The following TRIP12 variants were observed in gnomAD, a reference collection of about 807,000 sequenced individuals.
The protein encoded by TRIP12 is thyroid hormone receptor interactor 12, also known as E3 ubiquitin-protein ligase TRIP12.
TRIP12 carries 25 observed loss-of-function variants against 244.2 expected under a neutral mutation model. The observed-to-expected ratio is 0.10, with a 90% CI of 0.07 to 0.14. The LOEUF is 0.14. TRIP12 is among the 10% of genes least tolerant of loss of function. TRIP12 has a pLI of 1.00. For synonymous variants in TRIP12, 905 were observed against 873.1 expected (o/e 1.04, Z -0.64); for missense variants, 1,677 against 2,486.4 (o/e 0.67, Z 6.92).
chr2:229,838,606 T>C (rs1378683478), intron 5 of TRIP12, among the ~76,000 whole-genome samples: 1 of 152,190 alleles, frequency 6.6e-6, no homozygotes, highest in African/African-American at 2.4e-5. Context: ...CTAGATTACC[T>C]GACTTCGCAT....
At chr2:229,886,763 G>A (rs1041010659) in intron 1 of TRIP12, among the ~76,000 whole-genome samples, 6 of 152,024 alleles carry the variant, frequency 3.9e-5, no homozygotes, top group Non-Finnish European at 7.4e-5. Context: ...CACTGTGCCC[G>A]GCCAAACTAG....
chr2:229,908,470 C>T (rs1385976524), intron 1 of TRIP12, among the ~76,000 whole-genome samples: 7 of 152,162 alleles, frequency 4.6e-5, no homozygotes, highest in Non-Finnish European at 1.0e-4. Flanking sequence ...TTAGGCCGGG[C>T]GCGGTGGCTC....
upstream of TRIP12, among the ~76,000 whole-genome samples, chr2:229,922,775 G>A (rs1020993043): frequency 2.0e-5 from 3 of 152,164 alleles, no homozygotes; most frequent in African/African-American, 7.2e-5. Flanking sequence ...TCCTCGGTCC[G>A]ACGGCCCGCG....
rs143865610 is a variant in TRIP12, at chr2:229,769,277, T to A, written c.5857A>T (p.Thr1953Ser). The A allele has an allele frequency of 5.0e-6, 8 of 1,613,948 alleles. No homozygotes were observed. The African/African-American group carries it at 1.1e-4, about 22-fold the overall frequency. ...GSKADTWDAKTLMECCRPDHG... is the reference protein window; with the variant it reads ...GSKADTWDAKSLMECCRPDHG... ...TCAGGCCTACAGCATTCCATCAGTG[T>A]CTTTGCATCCCAAGTGTCTGCTTTA... Residue 1953 changes from threonine to serine, a missense_variant, in exon 40 of 42, where the codon ACA (threonine) becomes TCA (serine). By Grantham distance (58) the Thr-to-Ser change is moderately conservative (BLOSUM62 1). This residue lies in a region of TRIP12 where 171 missense variants were observed against 388.4 expected (regional missense o/e 0.44). Transcript: ENST00000675903.
rs1259680669 is a variant in TRIP12, at chr2:229,765,109, GTTCT to G, written c.*2441_*2444del. 6.6e-6 allele frequency: 1 copy of G among 152,080 alleles called. No homozygotes were observed. The highest frequency in any genetic ancestry group is 1.5e-5 in the Non-Finnish European group (1 of 68,016). The allele number at this position is 152,080 out of a possible 1,614,324, so 9.4% of individuals were successfully genotyped here. On this transcript the variant is annotated 3_prime_UTR_variant, in exon 42 of 42. Coordinates refer to ENST00000675903, the MANE Select transcript of TRIP12 (RefSeq NM_001348323.3). ...TCCTTCTTGGAATAGTTAAAAATAC[GTTCT>G]CATATATAAAGCAGATCGAATCAGT...
chr2:229,769,137 T>C, intron 40 of TRIP12, 94 bp downstream of exon 40: 1 of 1,045,966 alleles, frequency 9.6e-7, no homozygotes, highest in East Asian at 2.7e-5. Context: ...CTCCAACTTT[T>C]GTTGTTTACA....
chr2:229,879,895 C>T, intron 2 of TRIP12, 87 bp downstream of exon 2: 1 of 1,410,212 alleles, frequency 7.1e-7, no homozygotes, highest in East Asian at 2.3e-5. Context: ...TGCAATGAAC[C>T]ATTCAAGTTT....
In TRIP12 at chr2:229,859,419, G is replaced by A. The variant is rs914408391; in HGVS notation, c.380C>T (p.Ser127Phe). The A allele has an allele frequency of 1.2e-6, 2 of 1,614,040 alleles. No homozygotes were observed. The highest frequency in any genetic ancestry group is 1.3e-5 in the African/African-American group (1 of 74,914). Reference sequence around the variant, plus strand: ...TTTTGGTTTTTTTGCAGAGCTAGGAGAATTGGTCCTGTTGTAGTCTGGACT... The same window carrying A: ...TTTTGGTTTTTTTGCAGAGCTAGGAAAATTGGTCCTGTTGTAGTCTGGACT... ...SASPDYNRTN[S>F]PSSAKKPKAL... Residue 127 changes from serine (S) to phenylalanine (F), a missense_variant, in exon 4 of 42, where the codon TCT becomes TTT. Physicochemically the swap from Ser to Phe is radical, Grantham distance 155. This residue lies in a region of TRIP12 where 387 missense variants were observed against 392.6 expected (regional missense o/e 0.99). Transcript: ENST00000675903.
intron 1 of TRIP12, among the ~76,000 whole-genome samples, chr2:229,901,552 G>A (rs1442009945): frequency 6.6e-6 from 1 of 151,512 alleles, no homozygotes; most frequent in African/African-American, 2.4e-5. Context: ...GAACCTGGGT[G>A]GTGGAGGTTG....
intron 16 of TRIP12, 60 bp from the exon 17 acceptor site, chr2:229,807,924 C>A: frequency 6.7e-7 from 1 of 1,494,834 alleles, no homozygotes; most frequent in South Asian, 1.3e-5. Flanking sequence ...AACGTTAGGT[C>A]TCTAAAGAAA....
At chr2:229,838,747 A>T (rs2055536279) in intron 5 of TRIP12, among the ~76,000 whole-genome samples, 1 of 152,248 alleles carries the variant, frequency 6.6e-6, no homozygotes, top group Admixed American at 6.5e-5. Flanking sequence ...TTCTTCAGAA[A>T]TCCTCAGAAA....
intron 34 of TRIP12, among the ~76,000 whole-genome samples, chr2:229,781,327 T>G (rs1262292965): frequency 6.6e-6 from 1 of 152,244 alleles, no homozygotes; most frequent in Admixed American, 6.5e-5. Flanking sequence ...CAACTTGACT[T>G]AAAATGGAAT....
At chr2:229,777,935 G>C (rs2036816444) in intron 36 of TRIP12, among the ~76,000 whole-genome samples, 1 of 152,146 alleles carries the variant, frequency 6.6e-6, no homozygotes, top group Non-Finnish European at 1.5e-5. Context: ...AATGTGAGAG[G>C]ACTGCTTGAG....
At chr2:229,880,424 T>C (rs545191418) in intron 1 of TRIP12, among the ~76,000 whole-genome samples, 5 of 152,262 alleles carry the variant, frequency 3.3e-5, no homozygotes, top group East Asian at 3.9e-4. Context: ...AGAGCACAGG[T>C]AGAAATATGT....
chr2:229,793,661 G>T (rs983610447), intron 26 of TRIP12, among the ~76,000 whole-genome samples: 1 of 152,214 alleles, frequency 6.6e-6, no homozygotes, highest in African/African-American at 2.4e-5. Flanking sequence ...GTTGAAACCT[G>T]GTCATGATGT....
In TRIP12 at chr2:229,867,106, T is replaced by TTG. The variant is rs2061643883; in HGVS notation, c.99-6576_99-6575insCA. 3.3e-5 allele frequency among the ~76,000 whole-genome samples: 5 copies of TTG among 150,988 alleles called. No individual in the cohort carries two copies. The South Asian group carries it at 6.3e-4, about 19-fold the overall frequency. ...CACACACACATAGAGGGTTTTTTTT[T>TTG]TTGTTTTTTTTTTTAAGTGTAGGCT... On this transcript the variant is annotated intron_variant, in intron 2 of 41. Coordinates refer to ENST00000675903, the MANE Select transcript of TRIP12 (RefSeq NM_001348323.3).
chr2:229,856,507 C>G (rs916077505), intron 4 of TRIP12, among the ~76,000 whole-genome samples: 2 of 152,174 alleles, frequency 1.3e-5, no homozygotes, highest in Non-Finnish European at 2.9e-5. Flanking sequence ...AAGCTGATCT[C>G]TACAAAGGAC....
intron 1 of TRIP12, among the ~76,000 whole-genome samples, chr2:229,882,879 GC>G (rs1254567564): frequency 2.6e-5 from 4 of 152,166 alleles, no homozygotes; most frequent in African/African-American, 9.7e-5. Flanking sequence ...TCAGCCAACA[GC>G]CTATTTGTCG....
intron 6 of TRIP12, among the ~76,000 whole-genome samples, chr2:229,831,380 G>T (rs996936847): frequency 6.6e-6 from 1 of 152,192 alleles, no homozygotes; most frequent in African/African-American, 2.4e-5. Flanking sequence ...TGACTGCTAT[G>T]AAGCATGAAG....
Sources: gnomAD v4.1 joint callset for allele counts (sites outside exome capture counted in the v4.1 genomes callset) on GRCh38, gnomAD v4.1.1 for gene constraint, gnomAD v4.1.1 regional missense constraint, MANE v1.5 for transcripts, NCBI Gene and HGNC (gene_info 2026-07-23, HGNC 2026-07-21) for gene names.